Variants in ABR observed in about 807,000 individuals in gnomAD.
The protein encoded by ABR is active breakpoint cluster region-related protein.
Under a neutral mutation model 107.2 loss-of-function variants are expected in ABR, and 35 were observed. That is an observed-to-expected ratio of 0.33 (90% CI 0.25 to 0.43). The LOEUF is 0.43. Among genes scored for constraint, ABR ranks in the 20% least tolerant of loss-of-function variants. The pLI is 1.00. For missense variants in ABR, 815 were observed against 1,115.2 expected, an observed-to-expected ratio of 0.73 and a Z score of 3.83; for synonymous variants, 498 against 462.0, an observed-to-expected ratio of 1.08 and a Z score of -1.00.
At chr17:1,146,832 A>G (rs2040567653) in intron 1 of ABR, among the ~76,000 whole-genome samples, 1 of 124,554 alleles carries the variant, frequency 8.0e-6, no homozygotes, top group South Asian at 2.8e-4. Context: ...GCCACACGAC[A>G]CCACTGCCAC....
chr17:1,038,583 C>T (rs1298274847), intron 16 of ABR, among the ~76,000 whole-genome samples: 1 of 152,178 alleles, frequency 6.6e-6, no homozygotes, highest in Non-Finnish European at 1.5e-5. Context: ...TGTGCCCATC[C>T]CTCCCTGCCC....
chr17:1,078,997 C>T lies in ABR; in HGVS notation c.700+333G>A. The stretch of plus-strand genomic sequence containing the variant: ...CATCGGGCAGCCGCTCCGGAGTGCT[C>T]TTCCAGCAAGGGGGAGGGGAGGGAG... On this transcript the variant is annotated intron_variant, in intron 6 of 22. Coordinates refer to ENST00000302538, the MANE Select transcript of ABR (RefSeq NM_021962.5). The surrounding 1 kb of genome is among the most constrained non-coding windows in gnomAD (Gnocchi z 7.5). The T allele has an allele frequency of 7.0e-7, 1 of 1,418,804 alleles. No homozygotes were observed. The highest frequency in any genetic ancestry group is 9.3e-7 in the Non-Finnish European group (1 of 1,077,118). 87.9% of individuals were successfully genotyped at this position (1,418,804 alleles called of 1,614,324 possible).
At chr17:1,069,229 C>T (rs955292867) in intron 9 of ABR, among the ~76,000 whole-genome samples, 22 of 152,128 alleles carry the variant, frequency 1.4e-4, no homozygotes, top group Admixed American at 3.9e-4. Flanking sequence ...GGAAGCAGCG[C>T]GGCAGGAGTC....
At chr17:1,137,293 C>T (rs868816108) in intron 1 of ABR, among the ~76,000 whole-genome samples, 5 of 152,152 alleles carry the variant, frequency 3.3e-5, no homozygotes, top group African/African-American at 7.2e-5. Flanking sequence ...CTGCCCGCCT[C>T]GGCCTCCCAA....
intron 1 of ABR, among the ~76,000 whole-genome samples, chr17:1,174,441 G>C (rs1434652282): frequency 6.6e-6 from 1 of 152,102 alleles, no homozygotes; most frequent in East Asian, 1.9e-4. Flanking sequence ...CAGTGGCTTG[G>C]TCCCTGGTGT....
At chr17:1,090,978 C>T (rs966786023) in intron 4 of ABR, among the ~76,000 whole-genome samples, 1 of 152,170 alleles carries the variant, frequency 6.6e-6, no homozygotes. Context: ...GTCACAGAAG[C>T]ACAGGGAACC....
At chr17:1,094,997 T>C (rs899663006) in intron 3 of ABR, among the ~76,000 whole-genome samples, 2 of 152,196 alleles carry the variant, frequency 1.3e-5, no homozygotes, top group Non-Finnish European at 2.9e-5. Context: ...AGCTTCAGGA[T>C]TGACATCGTC....
rs1341755898 is a variant in ABR, at chr17:1,200,774, G to A, written c.838+28019C>T. Among the ~76,000 whole-genome samples the A allele has an allele frequency of 6.6e-6, 1 of 152,206 alleles. No individual in the cohort carries two copies. The highest frequency in any genetic ancestry group is 1.5e-5 in the Non-Finnish European group (1 of 68,046). ...TGTCTCCGGTTACTTCGGGGAGACA[G>A]GAACATGACCTGGGTTATCAGCACC... On this transcript the variant is annotated intron_variant, in intron 1 of 22. Coordinates refer to the ABR transcript ENST00000574139. This position sits in a 1 kb window ranked among gnomAD's most constrained non-coding sequence, Gnocchi z 4.1.
chr17:1,190,029 G>A (rs765551340), upstream of ABR, among the ~76,000 whole-genome samples: 20 of 152,334 alleles, frequency 1.3e-4, no homozygotes, highest in Middle Eastern at 3.4e-3. Context: ...TTGAGACGTC[G>A]CGTCGAGAAT....
rs564781562 is a variant in ABR, at chr17:1,027,659, C to G, written c.1792-14495G>C. Among the ~76,000 whole-genome samples the G allele has an allele frequency of 3.3e-5, 5 of 151,462 alleles. No homozygotes were observed. The South Asian group carries it at 1.0e-3, about 32-fold the overall frequency. The stretch of plus-strand genomic sequence containing the variant: ...CCGCAGTCAGGACCCACACATAGGC[C>G]CAGGAAGAGGTGGGCTGGTGTAGGG... On this transcript the variant is annotated intron_variant, in intron 16 of 22. Transcript: ENST00000302538. The surrounding 1 kb of genome is among the most constrained non-coding windows in gnomAD (Gnocchi z 4.7).
intron 4 of ABR, among the ~76,000 whole-genome samples, chr17:1,086,864 C>T (rs1326573095): frequency 6.6e-6 from 1 of 151,994 alleles, no homozygotes; most frequent in Non-Finnish European, 1.5e-5. Context: ...GCCCTCGCTA[C>T]TTGGGAGACT....
At chr17:1,217,114 T>C (rs767006733) in intron 1 of ABR, among the ~76,000 whole-genome samples, 1 of 152,120 alleles carries the variant, frequency 6.6e-6, no homozygotes, top group Non-Finnish European at 1.5e-5. Flanking sequence ...TTCCTCAAGA[T>C]GCTTTAAAAT....
intron 2 of ABR, among the ~76,000 whole-genome samples, chr17:1,119,515 G>C (rs1245917560): frequency 7.1e-6 from 1 of 141,584 alleles, no homozygotes; most frequent in Non-Finnish European, 1.5e-5. Flanking sequence ...CCCTGAGCCT[G>C]AGTTCTTCCC....
intron 12 of ABR, 124 bp from the exon 13 acceptor site, chr17:1,057,226 AG>A: frequency 3.3e-6 from 2 of 611,436 alleles, no homozygotes; most frequent in Non-Finnish European, 3.0e-6. Flanking sequence ...CTTGCGAGGG[AG>A]GGGGAAGGAT....
At chr17:1,020,023 A>T (rs2071493382) in intron 16 of ABR, among the ~76,000 whole-genome samples, 1 of 152,224 alleles carries the variant, frequency 6.6e-6, no homozygotes, top group South Asian at 2.1e-4. Flanking sequence ...AGGCGGACGA[A>T]CGACTGGGCC....
At chr17:1,091,880 G>T (rs374178328) in intron 3 of ABR, 30 bp from the exon 4 acceptor site, 11 of 1,597,694 alleles carry the variant, frequency 6.9e-6, no homozygotes, top group Non-Finnish European at 9.4e-6. Context: ...AAAGAGCAGA[G>T]GTCGGGGGTA....
At chr17:1,041,624 CCAGGAGACTGAGA>C (rs2030511350) in intron 16 of ABR, among the ~76,000 whole-genome samples, 1 of 152,194 alleles carries the variant, frequency 6.6e-6, no homozygotes, top group South Asian at 2.1e-4. Flanking sequence ...TCCCAGCTAA[CCAGGAGACTGAGA>C]CAGGAGAATC....
upstream of ABR, among the ~76,000 whole-genome samples, chr17:1,187,825 C>CG (rs1419005139): frequency 6.6e-6 from 1 of 151,710 alleles, no homozygotes; most frequent in Non-Finnish European, 1.5e-5. Context: ...ACCTGGGTGG[C>CG]GGAGGTTGCA....
chr17:1,091,897 C>T, intron 3 of ABR, 47 bp from the exon 4 acceptor site: 4 of 1,568,378 alleles, frequency 2.6e-6, no homozygotes, highest in South Asian at 1.2e-5. Context: ...GGTAAACAAA[C>T]CAGAGTGTCG....
Sources: allele counts gnomAD v4.1 joint callset (sites outside exome capture counted in the v4.1 genomes callset), GRCh38; gene constraint gnomAD v4.1.1; non-coding constraint Gnocchi (gnomAD v3.1); transcripts MANE v1.5; gene names NCBI Gene and HGNC (gene_info 2026-07-23, HGNC 2026-07-21).